PTPN3: variants seen among roughly 807,000 people sequenced by gnomAD.
PTPN3 encodes the protein protein tyrosine phosphatase non-receptor type 3, also known as tyrosine-protein phosphatase non-receptor type 3.
PTPN3 carries 96 observed loss-of-function variants against 132.7 expected under a neutral mutation model. The ratio of observed to expected loss-of-function variants is 0.72; its 90% CI spans 0.61 to 0.86. The LOEUF is 0.86. Ranked by LOEUF, PTPN3 falls within the 40% of genes least tolerant of loss-of-function variation. PTPN3 has a pLI of 0.00. For missense variants in PTPN3, 1,125 were observed against 1,159.6 expected, an observed-to-expected ratio of 0.97 and a Z score of 0.43; for synonymous variants, 398 against 429.0, an observed-to-expected ratio of 0.93 and a Z score of 0.89.
the PTPN3 span, among the ~76,000 whole-genome samples, chr9:109,513,048 G>T: frequency 9.6e-4 from 146 of 152,260 alleles, no homozygotes; most frequent in African/African-American, 3.2e-3. Context: ...TCACTCTGTT[G>T]CCCAGACTGG....
chr9:109,443,475 T>C (rs1844636137), intron 7 of PTPN3, among the ~76,000 whole-genome samples: 1 of 152,096 alleles, frequency 6.6e-6, no homozygotes, highest in Non-Finnish European at 1.5e-5. Context: ...CCTCCCAAAA[T>C]ACTGGGATTA....
chr9:109,450,067 T>C, intron 5 of PTPN3: 1 of 984,482 alleles, frequency 1.0e-6, no homozygotes, highest in Non-Finnish European at 1.2e-6. Flanking sequence ...TTAACCTGGA[T>C]GATCATGTTA....
the PTPN3 span, among the ~76,000 whole-genome samples, chr9:109,510,574 A>ATATATATAT: frequency 1.4e-4 from 7 of 49,198 alleles, no homozygotes; most frequent in East Asian, 6.5e-4. Context: ...AAAAAAAAAA[A>ATATATATAT]AAATATATAT....
At chr9:109,456,856 G>A (rs1006976101) in intron 4 of PTPN3, among the ~76,000 whole-genome samples, 3 of 152,128 alleles carry the variant, frequency 2.0e-5, no homozygotes, top group Non-Finnish European at 4.4e-5. Context: ...GTCCACCCTG[G>A]CTCTCACATC....
the PTPN3 span, among the ~76,000 whole-genome samples, chr9:109,516,520 G>A: frequency 6.6e-6 from 1 of 152,168 alleles, no homozygotes; most frequent in African/African-American, 2.4e-5. Flanking sequence ...TGGTGAGGGT[G>A]TAAGGGTGTG....
At chr9:109,468,467 C>T (rs112129093) in intron 1 of PTPN3, among the ~76,000 whole-genome samples, 2,792 of 152,092 alleles carry the variant, frequency 0.018, 45 homozygotes, top group Non-Finnish European at 0.024. Context: ...CCCGGGTTCA[C>T]GCCATTCTCC....
At chr9:109,419,444 A>G (rs1396322840) in intron 14 of PTPN3, among the ~76,000 whole-genome samples, 1 of 152,202 alleles carries the variant, frequency 6.6e-6, no homozygotes, top group Non-Finnish European at 1.5e-5. Context: ...ATATTTTAGA[A>G]ATAGTATGGG....
chr9:109,534,632 C>CAAAAAAAAAAAAAAAAAAAAAAA, the PTPN3 span, among the ~76,000 whole-genome samples: 5 of 108,718 alleles, frequency 4.6e-5, no homozygotes, highest in African/African-American at 7.3e-5. Flanking sequence ...CAAAAAAATA[C>CAAAAAAAAAAAAAAAAAAAAAAA]AAAAAAAAAA....
At position 109,388,153 on chromosome 9, in the gene PTPN3, C is replaced by T. The variant is rs7863192; in HGVS notation, c.2253+1080G>A. On this transcript the variant is annotated intron_variant, in intron 22 of 25. Coordinates refer to ENST00000374541, the MANE Select transcript of PTPN3 (RefSeq NM_002829.4). ...GAAAATTTCATCTCTCAGAGAAAGG[C>T]GCAAAGCTGCTGCCTGGAGTGATGG... 7.4e-3 allele frequency among the ~76,000 whole-genome samples: 1,120 copies of T among 152,234 alleles called. 14 individuals carry two copies. The highest frequency in any genetic ancestry group is 0.025 in the African/African-American group (1,044 of 41,538).
intron 9 of PTPN3, 82 bp downstream of exon 9, chr9:109,436,801 G>T: frequency 6.6e-7 from 1 of 1,515,678 alleles, no homozygotes; most frequent in South Asian, 1.3e-5. Context: ...AAAAGAAATA[G>T]TTTCATCAAA....
intron 4 of PTPN3, 146 bp from the exon 5 acceptor site, chr9:109,454,720 T>C: frequency 1.6e-6 from 1 of 633,592 alleles, no homozygotes; most frequent in Non-Finnish European, 2.8e-6. Context: ...ATGGAGTACA[T>C]AAGTTAGTTG....
chr9:109,408,441 A>AAAG (rs1564403233), intron 16 of PTPN3, 64 bp from the exon 17 acceptor site: 6 of 673,090 alleles, frequency 8.9e-6, no homozygotes, highest in Non-Finnish European at 4.5e-6. Flanking sequence ...AACAAACAAA[A>AAAG]AAACGAGTAG....
chr9:109,396,000 T>C (rs911603096), intron 19 of PTPN3, among the ~76,000 whole-genome samples: 4 of 151,874 alleles, frequency 2.6e-5, no homozygotes, highest in African/African-American at 9.7e-5. Context: ...GGAATCTGTA[T>C]ACAGGCGTGC....
At chr9:109,436,045 A>G (rs1435036048) in intron 9 of PTPN3, among the ~76,000 whole-genome samples, 1 of 152,240 alleles carries the variant, frequency 6.6e-6, no homozygotes, top group African/African-American at 2.4e-5. Flanking sequence ...AATAACTAGA[A>G]TGTCGATTTC....
chr9:109,525,493 G>A, the PTPN3 span, among the ~76,000 whole-genome samples: 2 of 152,218 alleles, frequency 1.3e-5, no homozygotes, highest in Non-Finnish European at 2.9e-5. Flanking sequence ...CAATGCCAGG[G>A]CTCCATCACA....
chr9:109,460,244 C>A (rs1218175284), intron 2 of PTPN3, among the ~76,000 whole-genome samples: 1 of 152,126 alleles, frequency 6.6e-6, no homozygotes, highest in Non-Finnish European at 1.5e-5. Flanking sequence ...ATTCCAAATC[C>A]CATCTATCAG....
intron 24 of PTPN3, 147 bp from the exon 25 acceptor site, chr9:109,381,934 C>T: frequency 1.1e-6 from 1 of 936,692 alleles, no homozygotes; most frequent in South Asian, 1.6e-5. Context: ...TGCTCTCAAA[C>T]AGGCTGAGAC....
chr9:109,376,230 T>TA lies in PTPN3; in HGVS notation c.*3325dup, dbSNP rs1376984682. ...AGAAAACTCAGGGTTGAGGGCAACA[T>TA]ATCTTGCCTAAGTCCAGGTCTAGAC... On this transcript the variant is annotated 3_prime_UTR_variant, in exon 26 of 26. Coordinates refer to ENST00000374541, the MANE Select transcript of PTPN3 (RefSeq NM_002829.4). 1 of 152,158 alleles carries TA rather than the reference T, an allele frequency of 6.6e-6. No individual in the cohort carries two copies. The highest frequency in any genetic ancestry group is 1.5e-5 in the Non-Finnish European group (1 of 68,040). The allele number at this position is 152,158 out of a possible 1,614,324, so 9.4% of individuals were successfully genotyped here. A position where few individuals can be genotyped will look rare whatever the true frequency, so the allele number is the denominator to read the frequency against.
At chr9:109,491,061 TG>T (rs1352314196) in intron 1 of PTPN3, among the ~76,000 whole-genome samples, 2 of 151,646 alleles carry the variant, frequency 1.3e-5, no homozygotes, top group Non-Finnish European at 2.9e-5. Flanking sequence ...CCGGGCATGG[TG>T]GCACACGCCT....
Sources: allele counts gnomAD v4.1 joint callset (sites outside exome capture counted in the v4.1 genomes callset), GRCh38; gene constraint gnomAD v4.1.1; transcripts MANE v1.5; gene names NCBI Gene and HGNC (gene_info 2026-07-23, HGNC 2026-07-21).